The following MAML2 variants were observed in gnomAD, a reference collection of about 807,000 sequenced individuals.
MAML2 encodes mastermind-like protein 2.
A neutral mutation model predicts 96.1 loss-of-function variants in MAML2; 22 were observed. The observed-to-expected ratio is 0.23, with a 90% CI of 0.16 to 0.33. The LOEUF (loss-of-function observed/expected upper bound fraction) is 0.33, where lower values mean the gene tolerates loss of function less well. Ranked by LOEUF, MAML2 falls within the 10% of genes least tolerant of loss-of-function variation. The probability of loss-of-function intolerance (pLI) is 1.00; values close to 1 mark genes in which losing one functional copy is unlikely to be tolerated. For missense variants in MAML2, 1,367 were observed against 1,392.4 expected, an observed-to-expected ratio of 0.98 and a Z score of 0.29; for synonymous variants, 561 against 521.3, an observed-to-expected ratio of 1.08 and a Z score of -1.04.
chr11:96,025,913 C>G (rs1858510616), intron 2 of MAML2, among the ~76,000 whole-genome samples: 1 of 152,082 alleles, frequency 6.6e-6, no homozygotes, highest in South Asian at 2.1e-4. Flanking sequence ...TGATTATAAC[C>G]ATTATAGAAG....
At chr11:95,986,635 A>G (rs1190858474) in intron 3 of MAML2, among the ~76,000 whole-genome samples, 2 of 152,212 alleles carry the variant, frequency 1.3e-5, no homozygotes, top group African/African-American at 4.8e-5. Context: ...AAAGGTAGGT[A>G]TGATTATTTC....
chr11:96,067,694 G>A (rs1236910258), intron 2 of MAML2, among the ~76,000 whole-genome samples: 1 of 151,938 alleles, frequency 6.6e-6, no homozygotes, highest in Non-Finnish European at 1.5e-5. Flanking sequence ...AGGGTCTATT[G>A]AGTTATTTGA....
chr11:96,258,475 C>T (rs1467778194), intron 1 of MAML2, among the ~76,000 whole-genome samples: 1 of 152,166 alleles, frequency 6.6e-6, no homozygotes, highest in African/African-American at 2.4e-5. Context: ...ATCCACTGCC[C>T]TGGCACAGAG....
At chr11:96,334,043 G>T (rs1203090758) in intron 1 of MAML2, among the ~76,000 whole-genome samples, 1 of 152,162 alleles carries the variant, frequency 6.6e-6, no homozygotes, top group Non-Finnish European at 1.5e-5. Flanking sequence ...TCTTAGGATT[G>T]GAAGAGGTAG....
intron 1 of MAML2, among the ~76,000 whole-genome samples, chr11:96,223,371 A>T (rs962780381): frequency 6.6e-6 from 1 of 152,082 alleles, no homozygotes; most frequent in Non-Finnish European, 1.5e-5. Context: ...ATATTTTTCA[A>T]TTTTGTCATT....
chr11:96,255,533 T>C (rs1862651919), intron 1 of MAML2, among the ~76,000 whole-genome samples: 2 of 152,234 alleles, frequency 1.3e-5, no homozygotes, highest in Non-Finnish European at 2.9e-5. Context: ...ATTTTCTCAC[T>C]TTCACATTTT....
chr11:96,282,048 G>C (rs1863075249), intron 1 of MAML2, among the ~76,000 whole-genome samples: 1 of 152,048 alleles, frequency 6.6e-6, no homozygotes, highest in Non-Finnish European at 1.5e-5. Flanking sequence ...AGGAGATTGA[G>C]ACTATCCTGG....
At chr11:96,127,059 A>G (rs554818654) in intron 1 of MAML2, among the ~76,000 whole-genome samples, 33 of 152,314 alleles carry the variant, frequency 2.2e-4, no homozygotes, top group Non-Finnish European at 3.8e-4. Flanking sequence ...GGGAAACCAC[A>G]CCCACTGTTT....
chr11:96,179,729 T>C (rs1462011074), intron 1 of MAML2, among the ~76,000 whole-genome samples: 3 of 152,210 alleles, frequency 2.0e-5, no homozygotes, highest in Admixed American at 6.5e-5. Context: ...GCCACCAAGG[T>C]CCAAGATGCT....
intron 1 of MAML2, among the ~76,000 whole-genome samples, chr11:96,204,504 T>A (rs1471339403): frequency 2.0e-5 from 3 of 152,220 alleles, no homozygotes; most frequent in African/African-American, 4.8e-5. Context: ...TACTAGGGAA[T>A]TGCTGACACA....
intron 1 of MAML2, among the ~76,000 whole-genome samples, chr11:96,162,655 G>C (rs1861128755): frequency 6.7e-6 from 1 of 149,842 alleles, no homozygotes; most frequent in African/African-American, 2.5e-5. Flanking sequence ...AGGTTTCGGT[G>C]AGCCGAGATT....
At chr11:95,989,011 CTG>C (rs1857869745) in intron 3 of MAML2, among the ~76,000 whole-genome samples, 1 of 152,130 alleles carries the variant, frequency 6.6e-6, no homozygotes, top group Non-Finnish European at 1.5e-5. Context: ...CTATTTAATT[CTG>C]TGAAAATCCA....
intron 1 of MAML2, among the ~76,000 whole-genome samples, chr11:96,113,785 G>A (rs1192506421): frequency 6.6e-6 from 1 of 152,056 alleles, no homozygotes; most frequent in Non-Finnish European, 1.5e-5. Context: ...GGGGCATGTA[G>A]TGCTATACAT....
intron 2 of MAML2, among the ~76,000 whole-genome samples, chr11:96,002,753 G>A (rs896523262): frequency 9.5e-5 from 14 of 147,470 alleles, no homozygotes; most frequent in African/African-American, 2.0e-4. Context: ...TCGGGATGAT[G>A]AGGAGGATGA....
intron 1 of MAML2, among the ~76,000 whole-genome samples, chr11:96,264,484 A>T (rs1464416564): frequency 6.6e-6 from 1 of 152,184 alleles, no homozygotes; most frequent in Non-Finnish European, 1.5e-5. Flanking sequence ...TTGAGTTCTG[A>T]TTGTTAACAT....
chr11:96,310,875 T>C (rs1863533310), intron 1 of MAML2, among the ~76,000 whole-genome samples: 1 of 152,232 alleles, frequency 6.6e-6, no homozygotes, highest in Admixed American at 6.5e-5. Flanking sequence ...CTAAGGCATA[T>C]TTTACAATAT....
intron 1 of MAML2, among the ~76,000 whole-genome samples, chr11:96,126,038 A>G (rs1197669639): frequency 6.6e-6 from 1 of 152,150 alleles, no homozygotes; most frequent in Non-Finnish European, 1.5e-5. Flanking sequence ...CTTTCCTGGT[A>G]CACCAGGAAA....
Position 95,986,609 on chromosome 11 carries a change from C to T in MAML2, c.2344-967G>A, listed in dbSNP as rs555383289. Among the ~76,000 whole-genome samples, 84 of 152,174 alleles carry T rather than the reference C, an allele frequency of 5.5e-4. 2 individuals carry two copies. Among genetic ancestry groups the T allele is most frequent in the Admixed American group, 4.1e-3 (63 of 15,272 alleles). Reference sequence around the variant, plus strand: ...ATGAATTTTATCTCTTTTTTACCTTCGCATAAACAATTCTTAAAGGTAGGT... The same window carrying T: ...ATGAATTTTATCTCTTTTTTACCTTTGCATAAACAATTCTTAAAGGTAGGT... On this transcript the variant is annotated intron_variant, in intron 3 of 4. Coordinates refer to ENST00000524717, the MANE Select transcript of MAML2 (RefSeq NM_032427.4).
In MAML2 at chr11:95,978,138, G is replaced by A. The variant is rs1591073723; in HGVS notation, c.*810C>T. The A allele has an allele frequency of 4.7e-6, 1 of 212,646 alleles. No homozygotes were observed. Among genetic ancestry groups the A allele is most frequent in the Non-Finnish European group, 9.5e-6 (1 of 105,204 alleles). The allele number at this position is 212,646 out of a possible 1,614,324, so 13.2% of individuals were successfully genotyped here. A position where few individuals can be genotyped will look rare whatever the true frequency, so the allele number is the denominator to read the frequency against. ...TCTTATTTATAGCAATGTCCACTGG[G>A]TTTTTTAAAAAAGTGAAATCTAATG... On this transcript the variant is annotated 3_prime_UTR_variant, in exon 5 of 5. Transcript: ENST00000524717.
Sources: allele counts gnomAD v4.1 joint callset (sites outside exome capture counted in the v4.1 genomes callset), GRCh38; gene constraint gnomAD v4.1.1; transcripts MANE v1.5; gene names NCBI Gene and HGNC (gene_info 2026-07-23, HGNC 2026-07-21).